Variants in KCNJ6 observed in about 807,000 individuals in gnomAD.
KCNJ6 encodes the protein G protein-activated inward rectifier potassium channel 2.
In KCNJ6, 9 loss-of-function variants were observed where a neutral mutation model predicts 34.2. The observed-to-expected ratio is 0.26, with a 90% confidence interval of 0.16 to 0.46. KCNJ6 has a LOEUF of 0.46. Ranked by LOEUF, KCNJ6 falls within the 20% of genes least tolerant of loss-of-function variation. KCNJ6 has a pLI of 1.00. For synonymous variants in KCNJ6, 196 were observed against 207.1 expected (o/e 0.95, Z 0.46); for missense variants, 236 against 531.3 (o/e 0.44, Z 5.46).
intron 3 of KCNJ6, among the ~76,000 whole-genome samples, chr21:37,665,844 A>T (rs995078899): frequency 2.0e-5 from 3 of 152,184 alleles, no homozygotes; most frequent in African/African-American, 2.4e-5. Context: ...GTGATGTGTG[A>T]GCTGGTGCCA....
intron 3 of KCNJ6, among the ~76,000 whole-genome samples, chr21:37,663,085 G>C (rs550147683): frequency 1.1e-3 from 172 of 152,226 alleles, no homozygotes; most frequent in African/African-American, 3.8e-3. Flanking sequence ...ATAAAATTCT[G>C]TAGGTGAGAT....
In KCNJ6 at chr21:37,617,089, T is replaced by G. The variant is rs1455177375; in HGVS notation, c.*8070A>C. ...TTTCTTTTCTTTTCTTTCTTTTTCTTTCTTTCTTTTCTTTCTTTCTTTCCT... is the reference window on the plus strand; with the variant it reads ...TTTCTTTTCTTTTCTTTCTTTTTCTGTCTTTCTTTTCTTTCTTTCTTTCCT... On this transcript the variant is annotated 3_prime_UTR_variant, in exon 4 of 4. Coordinates refer to ENST00000609713, the MANE Select transcript of KCNJ6 (RefSeq NM_002240.5). The G allele has an allele frequency of 7.9e-5, 5 of 63,430 alleles. No individual in the cohort carries two copies. The highest frequency in any genetic ancestry group is 2.9e-4 in the African/African-American group (4 of 13,868). 3.9% of individuals were successfully genotyped at this position (63,430 alleles called of 1,614,324 possible). A position where few individuals can be genotyped will look rare whatever the true frequency, so the allele number is the denominator to read the frequency against.
chr21:37,627,389 TA>T (rs1009233766), intron 3 of KCNJ6, among the ~76,000 whole-genome samples: 9 of 152,258 alleles, frequency 5.9e-5, no homozygotes, highest in Non-Finnish European at 1.5e-5. Flanking sequence ...GATTTGATTT[TA>T]CTTCTCAAAC....
At chr21:37,830,388 C>T (rs181696642) in intron 2 of KCNJ6, among the ~76,000 whole-genome samples, 94 of 152,286 alleles carry the variant, frequency 6.2e-4, no homozygotes, top group African/African-American at 2.0e-3. Flanking sequence ...CTCTTCCTTC[C>T]TGGTTTCATC....
At chr21:37,911,244 G>A (rs567992269) in intron 1 of KCNJ6, among the ~76,000 whole-genome samples, 5 of 152,182 alleles carry the variant, frequency 3.3e-5, no homozygotes, top group African/African-American at 1.2e-4. Context: ...ACTTCAAAAT[G>A]TATTTTTATC....
intron 3 of KCNJ6, among the ~76,000 whole-genome samples, chr21:37,662,627 T>C (rs1472667144): frequency 6.6e-6 from 1 of 152,218 alleles, no homozygotes; most frequent in Non-Finnish European, 1.5e-5. Flanking sequence ...ATATACCCAG[T>C]AATGCGATTG....
intron 3 of KCNJ6, among the ~76,000 whole-genome samples, chr21:37,689,558 T>C (rs1265264749): frequency 6.6e-6 from 1 of 151,926 alleles, no homozygotes; most frequent in East Asian, 1.9e-4. Context: ...CTAACCACAG[T>C]CCTCATTCTT....
chr21:37,813,036 T>C (rs919620706), intron 2 of KCNJ6, among the ~76,000 whole-genome samples: 2 of 152,118 alleles, frequency 1.3e-5, no homozygotes, highest in African/African-American at 4.8e-5. Context: ...CACCAAAAAG[T>C]TATTAGAATT....
intron 1 of KCNJ6, among the ~76,000 whole-genome samples, chr21:37,908,657 G>A (rs770278031): frequency 2.6e-5 from 4 of 151,906 alleles, no homozygotes; most frequent in African/African-American, 4.8e-5. Flanking sequence ...CAAACAATAT[G>A]TATTTGCATC....
At position 37,609,154 on chromosome 21, in the gene KCNJ6, G is replaced by A. The variant is rs1017597900; in HGVS notation, c.*16005C>T. On this transcript the variant is annotated 3_prime_UTR_variant, in exon 4 of 4. Coordinates refer to ENST00000609713, the MANE Select transcript of KCNJ6 (RefSeq NM_002240.5). ...ATCATCTGTGCTTCATTTCTTTTGG[G>A]AAGATGTGCGTTCTCTAGGTGTGGA... 6.6e-6 allele frequency: 1 copy of A among 152,132 alleles called. No homozygotes were observed. Among genetic ancestry groups the A allele is most frequent in the Non-Finnish European group, 1.5e-5 (1 of 68,030 alleles). 9.4% of individuals were successfully genotyped at this position (152,132 alleles called of 1,614,324 possible). A position where few individuals can be genotyped will look rare whatever the true frequency, so the allele number is the denominator to read the frequency against.
rs1009698189 is a variant in KCNJ6 at position 37,610,954 on chromosome 21, C to T, written c.*14205G>A. 5 of 151,352 alleles carry T rather than the reference C, an allele frequency of 3.3e-5. No individual in the cohort carries two copies. Among genetic ancestry groups the T allele is most frequent in the Non-Finnish European group, 5.9e-5 (4 of 67,824 alleles). The allele number at this position is 151,352 out of a possible 1,614,324, so 9.4% of individuals were successfully genotyped here. On this transcript the variant is annotated 3_prime_UTR_variant, in exon 4 of 4. Transcript: ENST00000609713. ...AGTAGAAAAAAAGAGCAAATTAAACCCAAAGTAAGCCAATGAGAAGAAATA... is the reference window on the plus strand; with the variant it reads ...AGTAGAAAAAAAGAGCAAATTAAACTCAAAGTAAGCCAATGAGAAGAAATA...
At chr21:37,782,310 GA>G (rs2055173240) in intron 2 of KCNJ6, among the ~76,000 whole-genome samples, 1 of 152,212 alleles carries the variant, frequency 6.6e-6, no homozygotes, top group Non-Finnish European at 1.5e-5. Context: ...AGAACTGGCA[GA>G]AGCAAAATTT....
chr21:37,723,884 G>A (rs2054839969), intron 2 of KCNJ6, among the ~76,000 whole-genome samples: 1 of 151,696 alleles, frequency 6.6e-6, no homozygotes, highest in South Asian at 2.1e-4. Flanking sequence ...TAACAATCCT[G>A]CACACGTACT....
intron 2 of KCNJ6, among the ~76,000 whole-genome samples, chr21:37,763,324 C>T (rs557085982): frequency 2.6e-5 from 4 of 152,166 alleles, no homozygotes; most frequent in Non-Finnish European, 5.9e-5. Flanking sequence ...GATGATCTGT[C>T]TTCTCGTGGT....
chr21:37,731,173 A>C lies in KCNJ6; in HGVS notation c.26-16042T>G, dbSNP rs144760034. Among the ~76,000 whole-genome samples, 21 of 152,178 alleles carry C rather than the reference A, an allele frequency of 1.4e-4. No individual in the cohort carries two copies. The East Asian group carries it at 2.9e-3, about 21-fold the overall frequency. On this transcript the variant is annotated intron_variant, in intron 2 of 3. Coordinates refer to ENST00000609713, the MANE Select transcript of KCNJ6 (RefSeq NM_002240.5). ...TACAAGGTGAGAAAAAGTGGCAACA[A>C]GAAGAATCTTGCCTCACTCCTGTGT...
intron 1 of KCNJ6, among the ~76,000 whole-genome samples, chr21:37,883,768 CT>C (rs1201616075): frequency 6.6e-6 from 1 of 152,198 alleles, no homozygotes; most frequent in Admixed American, 6.5e-5. Context: ...GTTCAGATTC[CT>C]TTCAGATTTG....
At position 37,626,627 on chromosome 21, in the gene KCNJ6, G is replaced by A. The variant is rs187135592; in HGVS notation, c.947-1143C>T. Among the ~76,000 whole-genome samples, 650 of 147,640 alleles carry A rather than the reference G, an allele frequency of 4.4e-3. 6 individuals are homozygous for A. The highest frequency in any genetic ancestry group is 0.016 in the African/African-American group (615 of 38,712). ...TGGCATAAGATATGAGAAATGACAC[G>A]TGTGGTTTTTTAAAATTTTTTTCTG... On this transcript the variant is annotated intron_variant, in intron 3 of 3. Transcript: ENST00000609713.
At chr21:37,733,490 G>A (rs1190357109) in intron 2 of KCNJ6, among the ~76,000 whole-genome samples, 2 of 152,186 alleles carry the variant, frequency 1.3e-5, no homozygotes, top group East Asian at 1.9e-4. Context: ...TAATCACTTG[G>A]TACCTGTTCT....
intron 1 of KCNJ6, among the ~76,000 whole-genome samples, chr21:37,897,215 A>G: frequency 6.6e-6 from 1 of 152,132 alleles, no homozygotes; most frequent in East Asian, 1.9e-4. Context: ...CTCTCCTATT[A>G]CCTTACAGAA....
Sources: allele counts gnomAD v4.1 joint callset (sites outside exome capture counted in the v4.1 genomes callset), GRCh38; gene constraint gnomAD v4.1.1; transcripts MANE v1.5; gene names NCBI Gene and HGNC (gene_info 2026-07-23, HGNC 2026-07-21).